Variants in IST1 observed in about 807,000 individuals in gnomAD.
IST1 encodes the protein IST1 factor associated with ESCRT-III.
In IST1, 23 loss-of-function variants were observed where a neutral mutation model predicts 37.0. The observed-to-expected ratio is 0.62, with a 90% CI of 0.45 to 0.88. The LOEUF (loss-of-function observed/expected upper bound fraction) is 0.88, where lower values mean the gene tolerates loss of function less well. Among genes scored for constraint, IST1 ranks in the 40% least tolerant of loss-of-function variants. The probability of loss-of-function intolerance (pLI) is 0.00; values close to 1 mark genes in which losing one functional copy is unlikely to be tolerated. For synonymous variants in IST1, 180 were observed against 161.7 expected (o/e 1.11, Z -0.86); for missense variants, 488 against 445.4 (o/e 1.10, Z -0.86).
Position 71,923,300 on chromosome 16 carries a change from G to C in IST1, c.772G>C (p.Gly258Arg). 1 of 1,608,256 alleles carries C rather than the reference G, an allele frequency of 6.2e-7. No homozygotes were observed. Among genetic ancestry groups the C allele is most frequent in the Non-Finnish European group, 8.5e-7 (1 of 1,175,582 alleles). The change falls in exon 8 of 10, where the codon GGA becomes CGA. Residue 258 changes from glycine to arginine, a missense_variant. This residue lies in a region of IST1 where 455 missense variants were observed against 386.2 expected (regional missense o/e 1.18). Coordinates refer to ENST00000378799, the MANE Select transcript of IST1 (RefSeq NM_001270975.2). ...PLPKGPSDFN[G>R]LPMGTYQAFP... Reference sequence around the variant, plus strand: ...TCTCCTCTTACAGTCAGATTTCAATGGACTGCCAATGGGGACTTATCAGGC... The same window carrying C: ...TCTCCTCTTACAGTCAGATTTCAATCGACTGCCAATGGGGACTTATCAGGC...
In IST1 at chr16:71,928,657, A is replaced by G. The variant is rs900542612; in HGVS notation, c.*844A>G. ...ATAGAAGTACTCAAGTCTTTTGGGT[A>G]GTGAGCTGGAAAGCCTACAGGAAAA... is the stretch of plus-strand genomic sequence containing the variant. On this transcript the variant is annotated 3_prime_UTR_variant, in exon 10 of 10. Transcript: ENST00000378799. 1 of 152,648 alleles carries G rather than the reference A, an allele frequency of 6.6e-6. No homozygotes were observed. Among genetic ancestry groups the G allele is most frequent in the African/African-American group, 2.4e-5 (1 of 41,450 alleles). 9.5% of individuals were successfully genotyped at this position (152,648 alleles called of 1,614,324 possible). A position where few individuals can be genotyped will look rare whatever the true frequency, so the allele number is the denominator to read the frequency against.
chr16:71,923,428 G>C (rs780620547), intron 8 of IST1, 48 bp downstream of exon 8: 6 of 1,187,178 alleles, frequency 5.1e-6, no homozygotes, highest in Non-Finnish European at 7.5e-6. Flanking sequence ...TGAATGCCAT[G>C]AAGAGCGAGC....
In IST1 at chr16:71,930,126, T is replaced by C; in HGVS notation, c.*2313T>C. 4 of 1,551,604 alleles carry C rather than the reference T, an allele frequency of 2.6e-6. No individual in the cohort carries two copies. Among genetic ancestry groups the C allele is most frequent in the South Asian group, 2.4e-5 (2 of 84,046 alleles). ...AAAAGATTAATTACCACAAGTACCA[T>C]CAAGATGACACTGGTGAGGATCAGA... On this transcript the variant is annotated 3_prime_UTR_variant, in exon 10 of 10. Coordinates refer to ENST00000378799, the MANE Select transcript of IST1 (RefSeq NM_001270975.2).
intron 1 of IST1, chr16:71,903,269 C>G (rs1251165208): frequency 1.3e-5 from 2 of 152,238 alleles, no homozygotes; most frequent in African/African-American, 4.8e-5. Context: ...GTGTGAACCA[C>G]TGAGCCTGGC....
chr16:71,910,022 G>A (rs1488128865), intron 1 of IST1, among the ~76,000 whole-genome samples: 3 of 152,178 alleles, frequency 2.0e-5, no homozygotes, highest in Admixed American at 2.0e-4. Flanking sequence ...TTGTGTGGGA[G>A]TTGATTTGTT....
chr16:71,899,968 G>A (rs989355305), intron 1 of IST1, among the ~76,000 whole-genome samples: 4 of 141,380 alleles, frequency 2.8e-5, no homozygotes, highest in Non-Finnish European at 4.5e-5. Context: ...CTGCACTCTA[G>A]CCTCGGCGAC....
intron 1 of IST1, among the ~76,000 whole-genome samples, chr16:71,901,389 G>C (rs893653227): frequency 6.6e-6 from 1 of 151,978 alleles, no homozygotes; most frequent in Non-Finnish European, 1.5e-5. Flanking sequence ...AATTTTTTGT[G>C]TTTTTAGTAG....
intron 5 of IST1, 170 bp from the exon 6 acceptor site, chr16:71,921,173 T>C: frequency 1.6e-6 from 1 of 608,748 alleles, no homozygotes; most frequent in Non-Finnish European, 2.9e-6. Context: ...AAAGAGAGAC[T>C]TGGGTCCTCT....
At chr16:71,915,463 T>TA (rs2037447059) in intron 1 of IST1, 163 bp from the exon 2 acceptor site, 2 of 541,890 alleles carry the variant, frequency 3.7e-6, no homozygotes, top group Admixed American at 3.6e-5. Flanking sequence ...CAGTTTTTTT[T>TA]ACAACAGCCA....
At chr16:71,921,233 T>G (rs1397181234) in intron 5 of IST1, 110 bp from the exon 6 acceptor site, 2 of 698,436 alleles carry the variant, frequency 2.9e-6, no homozygotes, top group East Asian at 2.6e-5. Context: ...CTGAACCTTT[T>G]TTTCCCTCAA....
At chr16:71,919,055 A>G (rs575106308) in intron 4 of IST1, among the ~76,000 whole-genome samples, 1 of 152,128 alleles carries the variant, frequency 6.6e-6, no homozygotes, top group Admixed American at 6.5e-5. Context: ...CTTTTAATCT[A>G]TTCACACCAT....
chr16:71,927,624 C>CAAGCCA lies in IST1; in HGVS notation c.913_918dup (p.Lys305_Pro306dup). 6.2e-7 allele frequency: 1 copy of CAAGCCA among 1,613,630 alleles called. No homozygotes were observed. The highest frequency in any genetic ancestry group is 8.5e-7 in the Non-Finnish European group (1 of 1,179,604). ...CCTTGCCCTAATTAGGTCCTGGACC[C>CAAGCCA]AAGCCAGAAGCCTCTGCAAAGCTTC... On this transcript the variant is annotated inframe_insertion, in exon 10 of 10. Transcript: ENST00000378799.
At chr16:71,913,488 AT>A (rs1443918208) in intron 1 of IST1, among the ~76,000 whole-genome samples, 2 of 151,990 alleles carry the variant, frequency 1.3e-5, no homozygotes, top group Non-Finnish European at 2.9e-5. Flanking sequence ...TTTACATGCA[AT>A]TAGCTCTTGG....
At chr16:71,897,435 C>T (rs975310920) in intron 1 of IST1, among the ~76,000 whole-genome samples, 1 of 152,054 alleles carries the variant, frequency 6.6e-6, no homozygotes, top group African/African-American at 2.4e-5. Context: ...ATCAGGAGCT[C>T]CAGAATCTCC....
intron 1 of IST1, among the ~76,000 whole-genome samples, chr16:71,908,484 G>T (rs1233791682): frequency 2.6e-5 from 4 of 151,104 alleles, no homozygotes; most frequent in Non-Finnish European, 5.9e-5. Flanking sequence ...ATTTTTCATA[G>T]AAGAGTTTCA....
intron 1 of IST1, among the ~76,000 whole-genome samples, chr16:71,897,223 T>A (rs4788575): frequency 1.7e-3 from 250 of 146,564 alleles, no homozygotes; most frequent in Middle Eastern, 0.01. Context: ...AGTTTCTTAA[T>A]GTTGCCCAGA....
In IST1 at chr16:71,931,072, G is replaced by A. The variant is rs1567482916; in HGVS notation, c.*3259G>A. 1 of 151,902 alleles carries A rather than the reference G, an allele frequency of 6.6e-6. No homozygotes were observed. The highest frequency in any genetic ancestry group is 2.4e-5 in the African/African-American group (1 of 41,368). 9.4% of individuals were successfully genotyped at this position (151,902 alleles called of 1,614,324 possible). Reference sequence around the variant, plus strand: ...GTTTATTTTTATGTACAATTTTACTGTTTATTTTTTGTTTGCTCTATTTGT... The same window carrying A: ...GTTTATTTTTATGTACAATTTTACTATTTATTTTTTGTTTGCTCTATTTGT... On this transcript the variant is annotated 3_prime_UTR_variant, in exon 10 of 10. Transcript: ENST00000378799.
At chr16:71,904,666 C>T (rs2037181217) in intron 1 of IST1, among the ~76,000 whole-genome samples, 1 of 152,220 alleles carries the variant, frequency 6.6e-6, no homozygotes, top group African/African-American at 2.4e-5. Flanking sequence ...ACATCAGCCT[C>T]CCAAAGTGCT....
intron 4 of IST1, 38 bp downstream of exon 4, chr16:71,917,172 C>A (rs1253943459): frequency 7.9e-7 from 1 of 1,259,530 alleles, no homozygotes; most frequent in South Asian, 1.3e-5. Flanking sequence ...TGTAGCTTTT[C>A]ATATTGTTAG....
Sources: gnomAD v4.1 joint callset for allele counts (sites outside exome capture counted in the v4.1 genomes callset) on GRCh38, gnomAD v4.1.1 for gene constraint, gnomAD v4.1.1 regional missense constraint, MANE v1.5 for transcripts, NCBI Gene and HGNC (gene_info 2026-07-23, HGNC 2026-07-21) for gene names.